ISOC1: variants seen among roughly 807,000 people sequenced by gnomAD.
The protein encoded by ISOC1 is isochorismatase domain containing 1, also known as isochorismatase domain-containing protein 1.
Under a neutral mutation model 30.0 loss-of-function variants are expected in ISOC1, and 33 were observed. The observed-to-expected ratio is 1.10, with a 90% CI of 0.83 to 1.47. The LOEUF (loss-of-function observed/expected upper bound fraction) is 1.47. ISOC1 is among the 40% of genes most tolerant of loss of function. The probability of loss-of-function intolerance (pLI) is 0.00; values close to 1 mark genes in which losing one functional copy is unlikely to be tolerated. For missense variants in ISOC1, 372 were observed against 388.0 expected (o/e 0.96, Z 0.35); for synonymous variants, 178 against 159.8 (o/e 1.11, Z -0.86).
intron 4 of ISOC1, among the ~76,000 whole-genome samples, chr5:129,111,815 A>G (rs150292528): frequency 3.7e-3 from 554 of 151,734 alleles, no homozygotes; most frequent in Non-Finnish European, 6.3e-3. Context: ...TTCTGTCCTT[A>G]GTATTATGAT....
rs1554064628 is a variant in ISOC1, at chr5:129,101,192, AAT to A, written c.310-3749_310-3748del. 5.7e-3 allele frequency among the ~76,000 whole-genome samples: 240 copies of A among 42,224 alleles called. 3 individuals are homozygous for A. The highest frequency in any genetic ancestry group is 0.01 in the South Asian group (12 of 1,158). The allele number at this position is 42,224 out of a possible 152,430, so 27.7% of individuals were successfully genotyped here. A position where few individuals can be genotyped will look rare whatever the true frequency, so the allele number is the denominator to read the frequency against. On this transcript the variant is annotated intron_variant, in intron 1 of 4. Transcript: ENST00000173527. ...AAAAAAAAAAAAAAAAAAAAAAAAAAATATATATATATATATGGTTGGGTTGG... is the reference window on the plus strand; with the variant it reads ...AAAAAAAAAAAAAAAAAAAAAAAAAAATATATATATATATGGTTGGGTTGG...
rs139930644 is a variant in ISOC1 at position 129,109,602 on chromosome 5, C to T, written c.750+2540C>T. ...GGAAGGGCCTGGAGCACCAACATTG[C>T]CTGGGGTTAAAGTGTTGAGGTTGAA... On this transcript the variant is annotated intron_variant, in intron 4 of 4. Coordinates refer to ENST00000173527, the MANE Select transcript of ISOC1 (RefSeq NM_016048.2). Among the ~76,000 whole-genome samples the T allele has an allele frequency of 2.8e-3, 430 of 152,192 alleles. 2 individuals are homozygous for T. Among genetic ancestry groups the T allele is most frequent in the African/African-American group, 9.9e-3 (410 of 41,514 alleles).
intron 1 of ISOC1, among the ~76,000 whole-genome samples, chr5:129,100,123 G>A (rs929512353): frequency 1.3e-5 from 2 of 152,088 alleles, no homozygotes; most frequent in African/African-American, 4.8e-5. Context: ...CGATGCCCCA[G>A]GTCCCCTTCC....
At chr5:129,101,640 A>G (rs768162308) in intron 1 of ISOC1, among the ~76,000 whole-genome samples, 7 of 152,268 alleles carry the variant, frequency 4.6e-5, no homozygotes, top group Admixed American at 3.9e-4. Context: ...ATTCCCTAAC[A>G]TTAACATTTG....
chr5:129,110,027 A>T (rs1435063343), intron 4 of ISOC1, among the ~76,000 whole-genome samples: 1 of 152,214 alleles, frequency 6.6e-6, no homozygotes, highest in Non-Finnish European at 1.5e-5. Flanking sequence ...TAACAATTGT[A>T]GAGTGCATGA....
rs116434243 is a variant in ISOC1 at position 129,098,869 on chromosome 5, A to G, written c.309+3794A>G. On this transcript the variant is annotated intron_variant, in intron 1 of 4. Transcript: ENST00000173527. ...CATTTTATAGCTAGAAGAGACTGAC[A>G]GGTTCATGGTGGGAAGGGAGGGAAG... 2.9e-3 allele frequency among the ~76,000 whole-genome samples: 436 copies of G among 152,290 alleles called. 2 individuals carry two copies. The highest frequency in any genetic ancestry group is 9.7e-3 in the African/African-American group (402 of 41,552).
Position 129,105,492 on chromosome 5 carries a change from G to A in ISOC1, c.633+104G>A, listed in dbSNP as rs573960062. 1.4e-3 allele frequency: 1,284 copies of A among 916,466 alleles called. 5 individuals are homozygous for A. Among genetic ancestry groups the A allele is most frequent in the Middle Eastern group, 1.7e-3 (6 of 3,468 alleles). The allele number at this position is 916,466 out of a possible 1,614,324, so 56.8% of individuals were successfully genotyped here. On this transcript the variant is annotated intron_variant, in intron 3 of 4. Coordinates refer to ENST00000173527, the MANE Select transcript of ISOC1 (RefSeq NM_016048.2). ...GGTATGCCAGGTAGGCAGTAATAAT[G>A]AGGAAAGGTAGCCACCATGTATTAT...
chr5:129,097,496 C>A (rs1753517643), intron 1 of ISOC1, among the ~76,000 whole-genome samples: 1 of 152,082 alleles, frequency 6.6e-6, no homozygotes, highest in Non-Finnish European at 1.5e-5. Context: ...ATCCTAGAGA[C>A]TTGGATGTTT....
chr5:129,109,596 A>G (rs185506907), intron 4 of ISOC1, among the ~76,000 whole-genome samples: 2 of 152,310 alleles, frequency 1.3e-5, no homozygotes, highest in African/African-American at 4.8e-5. Flanking sequence ...TGGAGCACCA[A>G]CATTGCCTGG....
intron 3 of ISOC1, among the ~76,000 whole-genome samples, chr5:129,106,128 G>A (rs1753635373): frequency 1.3e-5 from 2 of 152,256 alleles, no homozygotes; most frequent in African/African-American, 4.8e-5. Flanking sequence ...GTCGTACCAA[G>A]TGCTGTTGCT....
intron 4 of ISOC1, among the ~76,000 whole-genome samples, chr5:129,108,043 G>A (rs189723429): frequency 5.9e-5 from 9 of 152,318 alleles, no homozygotes; most frequent in African/African-American, 1.9e-4. Context: ...TTAGAGCAAT[G>A]TGCATGTGAA....
In ISOC1 at chr5:129,107,028, C is replaced by G. The variant is rs1452512315; in HGVS notation, c.716C>G (p.Ser239Ter). 3 of 1,613,750 alleles carry G rather than the reference C, an allele frequency of 1.9e-6. No individual in the cohort carries two copies. Among genetic ancestry groups the G allele is most frequent in the Non-Finnish European group, 2.5e-6 (3 of 1,179,758 alleles). ...EVHIVADATS[S>*]RSMMDRMFAL... ...CACATTGTTGCTGATGCCACCTCAT[C>G]AAGAAGCATGATGGACAGGATGTTT... The change falls in exon 4 of 5, where the codon TCA becomes TGA. Residue 239 changes from serine to a stop codon, truncating the protein, a stop_gained. Transcript: ENST00000173527. LOFTEE classifies it high-confidence loss of function.
At chr5:129,104,508 C>T (rs1193273498) in intron 1 of ISOC1, among the ~76,000 whole-genome samples, 2 of 151,828 alleles carry the variant, frequency 1.3e-5, no homozygotes, top group Non-Finnish European at 2.9e-5. Context: ...TTACCAACAC[C>T]CCAATTATAT....
intron 1 of ISOC1, among the ~76,000 whole-genome samples, chr5:129,098,838 C>T (rs905836132): frequency 6.6e-6 from 1 of 152,156 alleles, no homozygotes; most frequent in South Asian, 2.1e-4. Context: ...TAAACAGGGG[C>T]ATGAACATTT....
intron 1 of ISOC1, chr5:129,097,744 A>G (rs1342426889): frequency 2.0e-5 from 3 of 151,704 alleles, no homozygotes; most frequent in African/African-American, 7.3e-5. Flanking sequence ...TGGAGGAGCT[A>G]GCCAGGCATA....
At chr5:129,102,978 C>T (rs1329848987) in intron 1 of ISOC1, among the ~76,000 whole-genome samples, 4 of 152,298 alleles carry the variant, frequency 2.6e-5, no homozygotes, top group African/African-American at 7.2e-5. Context: ...ACCACATTTA[C>T]GCAACTGCCC....
intron 4 of ISOC1, among the ~76,000 whole-genome samples, chr5:129,108,156 G>C (rs1166492630): frequency 6.6e-6 from 1 of 152,194 alleles, no homozygotes; most frequent in East Asian, 1.9e-4. Context: ...CCTGTGAACT[G>C]CCTTGTCTGT....
Position 129,098,160 on chromosome 5 carries a change from C to T in ISOC1, c.309+3085C>T, listed in dbSNP as rs2150170010. On this transcript the variant is annotated intron_variant, in intron 1 of 4. Transcript: ENST00000173527. The stretch of plus-strand genomic sequence containing the variant: ...TTATTCTGACAGCTGTGGCTGATGA[C>T]CTTGTGAAACACAGTGGCTGCCTTT... Among the ~76,000 whole-genome samples, 5 of 152,302 alleles carry T rather than the reference C, an allele frequency of 3.3e-5. No individual in the cohort carries two copies. The South Asian group carries it at 1.0e-3, about 32-fold the overall frequency.
chr5:129,105,249 G>A lies in ISOC1; in HGVS notation c.494G>A (p.Gly165Glu), dbSNP rs1240441068. ...ACAGAACAATACCCTAAAGGTCTTG[G>A]GAGCACGGTTCAAGAAATTGATTTA... ...IVTEQYPKGL[G>E]STVQEIDLTG... is the part of the protein sequence containing the mutation. Residue 165 changes from glycine to glutamate, a missense_variant, in exon 3 of 5, where the codon GGG becomes GAG. By Grantham distance (98) the Gly-to-Glu change is moderately conservative. Coordinates refer to ENST00000173527, the MANE Select transcript of ISOC1 (RefSeq NM_016048.2). 6.2e-7 allele frequency: 1 copy of A among 1,613,748 alleles called. No homozygotes were observed. Among genetic ancestry groups the A allele is most frequent in the South Asian group, 1.1e-5 (1 of 91,066 alleles).
Sources: gnomAD v4.1 joint callset for allele counts (sites outside exome capture counted in the v4.1 genomes callset) on GRCh38, gnomAD v4.1.1 for gene constraint, MANE v1.5 for transcripts, NCBI Gene and HGNC (gene_info 2026-07-23, HGNC 2026-07-21) for gene names.